The following TMEM87A variants were observed in gnomAD, a reference collection of about 807,000 sequenced individuals.
TMEM87A encodes Golgi-pH regulating cation channel.
TMEM87A carries 50 observed loss-of-function variants against 90.0 expected under a neutral mutation model. The observed-to-expected ratio is 0.56, with a 90% CI of 0.44 to 0.70. The LOEUF (loss-of-function observed/expected upper bound fraction) is 0.70, where lower values mean the gene tolerates loss of function less well. TMEM87A is among the 30% of genes least tolerant of loss of function. The pLI, the probability that TMEM87A is intolerant of heterozygous loss-of-function variation, is 0.00. For missense variants in TMEM87A, 577 were observed against 660.5 expected (o/e 0.87, Z 1.39); for synonymous variants, 226 against 226.7 (o/e 1.00, Z 0.03).
chr15:42,244,812 A>C (rs1364949653), intron 6 of TMEM87A, among the ~76,000 whole-genome samples: 1 of 149,304 alleles, frequency 6.7e-6, no homozygotes, highest in African/African-American at 2.5e-5. Context: ...CAAACAGAAG[A>C]CTAAGACACA....
chr15:42,242,627 T>C (rs573147433), intron 7 of TMEM87A, among the ~76,000 whole-genome samples: 1 of 151,972 alleles, frequency 6.6e-6, no homozygotes, highest in Non-Finnish European at 1.5e-5. Flanking sequence ...AACCAAGTAG[T>C]GGTATCCCAG....
intron 7 of TMEM87A, 105 bp from the exon 8 acceptor site, chr15:42,239,836 T>C: frequency 1.0e-6 from 1 of 991,880 alleles, no homozygotes; most frequent in East Asian, 2.4e-5. Flanking sequence ...CATTGGGTCA[T>C]TTACTTTTAG....
chr15:42,270,092 G>A (rs1007808970), intron 2 of TMEM87A, among the ~76,000 whole-genome samples: 3 of 152,096 alleles, frequency 2.0e-5, no homozygotes, highest in Non-Finnish European at 2.9e-5. Context: ...GTCTCAGGCC[G>A]GGCACGGTGG....
At chr15:42,244,977 T>C (rs1280761035) in intron 6 of TMEM87A, among the ~76,000 whole-genome samples, 2 of 151,926 alleles carry the variant, frequency 1.3e-5, no homozygotes, top group East Asian at 2.0e-4. Flanking sequence ...TGATTTTTTA[T>C]GTTTATGCAT....
intron 8 of TMEM87A, among the ~76,000 whole-genome samples, chr15:42,237,993 GTA>G (rs541273408): frequency 7.1e-5 from 1 of 14,092 alleles, no homozygotes; most frequent in Admixed American, 8.6e-4. Flanking sequence ...GCTCTCATAT[GTA>G]TATATATATA....
intron 15 of TMEM87A, 131 bp downstream of exon 15, chr15:42,226,675 G>T: frequency 1.3e-6 from 1 of 763,746 alleles, no homozygotes; most frequent in South Asian, 1.8e-5. Flanking sequence ...TAGGAACCCA[G>T]TTCTTCTGAT....
At chr15:42,255,810 C>T (rs1363360361) in intron 6 of TMEM87A, among the ~76,000 whole-genome samples, 3 of 151,138 alleles carry the variant, frequency 2.0e-5, no homozygotes, top group Non-Finnish European at 2.9e-5. Context: ...TGCTCTGTTG[C>T]CCAGGCTGGA....
intron 7 of TMEM87A, among the ~76,000 whole-genome samples, chr15:42,240,456 C>A (rs1161199764): frequency 6.6e-6 from 1 of 152,056 alleles, no homozygotes; most frequent in Non-Finnish European, 1.5e-5. Context: ...ATTGAACTTC[C>A]CCAAAACCTG....
At chr15:42,264,410 T>C (rs1282398050) in intron 3 of TMEM87A, among the ~76,000 whole-genome samples, 1 of 152,192 alleles carries the variant, frequency 6.6e-6, no homozygotes, top group East Asian at 1.9e-4. Context: ...CTCTAGTCTT[T>C]GGCTCACAAG....
In TMEM87A at chr15:42,210,541, AT is replaced by A. The variant is rs1264506464; in HGVS notation, c.*1166del. The A allele has an allele frequency of 3.9e-5, 6 of 152,234 alleles. No homozygotes were observed. Among genetic ancestry groups the A allele is most frequent in the Non-Finnish European group, 7.3e-5 (5 of 68,030 alleles). The allele number at this position is 152,234 out of a possible 1,614,324, so 9.4% of individuals were successfully genotyped here. The stretch of plus-strand genomic sequence containing the variant: ...GAGAAAAATACATTAATTTTGTTAA[AT>A]TTTTTTATATTAAAAAGTGGCATGA... On this transcript the variant is annotated 3_prime_UTR_variant, in exon 20 of 20. Coordinates refer to ENST00000389834, the MANE Select transcript of TMEM87A (RefSeq NM_015497.5).
At position 42,237,693 on chromosome 15, in the gene TMEM87A, A is replaced by T. The variant is rs1595723990; in HGVS notation, c.685-78T>A. 21 of 976,364 alleles carry T rather than the reference A, an allele frequency of 2.2e-5. No homozygotes were observed. The Middle Eastern group carries it at 1.1e-3, about 53-fold the overall frequency. 60.5% of individuals were successfully genotyped at this position (976,364 alleles called of 1,614,324 possible). A position where few individuals can be genotyped will look rare whatever the true frequency, so the allele number is the denominator to read the frequency against. On this transcript the variant is annotated intron_variant, in intron 8 of 19. Coordinates refer to ENST00000389834, the MANE Select transcript of TMEM87A (RefSeq NM_015497.5). ...GTCTGTAGATTTAGAATCAATATAT[A>T]CTTTTTTTTTTTTTTTAAGAGATGG...
At chr15:42,246,058 TTTCTTCCTCTG>T (rs1248891903) in intron 6 of TMEM87A, among the ~76,000 whole-genome samples, 1 of 152,210 alleles carries the variant, frequency 6.6e-6, no homozygotes, top group Non-Finnish European at 1.5e-5. Context: ...TAGCTCCCCA[TTTCTTCCTCTG>T]TCACCACTTG....
intron 15 of TMEM87A, among the ~76,000 whole-genome samples, chr15:42,220,966 C>A (rs563632584): frequency 2.2e-4 from 33 of 151,838 alleles, no homozygotes; most frequent in African/African-American, 8.0e-4. Flanking sequence ...CAATTTTTTG[C>A]ATTTTTTTAT....
At chr15:42,236,724 TCCCCC>T (rs1438219430) in intron 9 of TMEM87A, among the ~76,000 whole-genome samples, 1 of 152,050 alleles carries the variant, frequency 6.6e-6, no homozygotes, top group Non-Finnish European at 1.5e-5. Context: ...CGAGACAATT[TCCCCC>T]ATTTTTAAAA....
chr15:42,224,587 G>C (rs570553175), intron 15 of TMEM87A: 2 of 152,302 alleles, frequency 1.3e-5, no homozygotes, highest in South Asian at 4.2e-4. Context: ...TGCATCCCAT[G>C]AGGCCTTCTA....
chr15:42,272,007 A>G lies in TMEM87A; in HGVS notation c.205+56T>C, dbSNP rs932156736. ...ACTTATAAAATAGGTAATTTAAAACATTACCTATAAATTTTTAAAATTCAA... is the reference window on the plus strand; with the variant it reads ...ACTTATAAAATAGGTAATTTAAAACGTTACCTATAAATTTTTAAAATTCAA... On this transcript the variant is annotated intron_variant, in intron 2 of 19. Coordinates refer to ENST00000389834, the MANE Select transcript of TMEM87A (RefSeq NM_015497.5). 4 of 1,376,264 alleles carry G rather than the reference A, an allele frequency of 2.9e-6. No homozygotes were observed. In the African/African-American group the frequency reaches 6.0e-5, roughly 20 times the overall value. 85.3% of individuals were successfully genotyped at this position (1,376,264 alleles called of 1,614,324 possible).
chr15:42,220,820 C>A lies in TMEM87A; in HGVS notation c.1404-685G>T, dbSNP rs948510291. On this transcript the variant is annotated intron_variant, in intron 15 of 19. Coordinates refer to ENST00000389834, the MANE Select transcript of TMEM87A (RefSeq NM_015497.5). The stretch of plus-strand genomic sequence containing the variant: ...ATTTATTTATTTTTTGAGACGGAGT[C>A]TCGCTCTGTCGCCCAGGCTGGAGTG... 6.4e-4 allele frequency among the ~76,000 whole-genome samples: 98 copies of A among 152,226 alleles called. 1 individual carries two copies. Among genetic ancestry groups the A allele is most frequent in the Admixed American group, 1.4e-3 (21 of 15,288 alleles).
chr15:42,273,119 G>T, intron 1 of TMEM87A, 136 bp downstream of exon 1: 2 of 1,113,830 alleles, frequency 1.8e-6, no homozygotes, highest in Non-Finnish European at 2.6e-6. Flanking sequence ...GGTCCCAGTT[G>T]GCTAGCCACA....
intron 1 of TMEM87A, chr15:42,272,977 T>C (rs1453130432): frequency 4.9e-6 from 3 of 607,520 alleles, no homozygotes; most frequent in Admixed American, 4.3e-5. Flanking sequence ...AGTTTACATC[T>C]CAAGTCAGGC....
Sources: gnomAD v4.1 joint callset for allele counts (sites outside exome capture counted in the v4.1 genomes callset) on GRCh38, gnomAD v4.1.1 for gene constraint, MANE v1.5 for transcripts, NCBI Gene and HGNC (gene_info 2026-07-23, HGNC 2026-07-21) for gene names.